CCL14: variants seen among roughly 807,000 people sequenced by gnomAD.
The protein encoded by CCL14 is C-C motif chemokine ligand 14.
A neutral mutation model predicts 8.2 loss-of-function variants in CCL14; 8 were observed. The ratio of observed to expected loss-of-function variants is 0.98; its 90% CI spans 0.57 to 1.76. The LOEUF is 1.76. Among genes scored for constraint, CCL14 ranks in the 40% most tolerant of loss-of-function variants. CCL14 has a pLI of 0.00. For missense variants in CCL14, 127 were observed against 118.3 expected (o/e 1.07, Z -0.34); for synonymous variants, 50 against 43.2 (o/e 1.16, Z -0.62).
chr17:35,985,472 G>T, intron 1 of CCL14: 5 of 466,162 alleles, frequency 1.1e-5, no homozygotes, highest in South Asian at 8.9e-5. Flanking sequence ...TTATGGAGTG[G>T]AGAAATCAGG....
chr17:35,986,710 G>T lies in CCL14; in HGVS notation c.-61C>A. 1.6e-6 allele frequency: 2 copies of T among 1,216,946 alleles called. No homozygotes were observed. Among genetic ancestry groups the T allele is most frequent in the Non-Finnish European group, 1.2e-6 (1 of 820,020 alleles). 75.4% of individuals were successfully genotyped at this position (1,216,946 alleles called of 1,614,324 possible). On this transcript the variant is annotated 5_prime_UTR_variant, in exon 1 of 3. Coordinates refer to ENST00000618404, the MANE Select transcript of CCL14 (RefSeq NM_032963.4). ...GGTGGGAGCTTCAGAGGCTCCTGCG[G>T]TGAGGAATTGTTGAGAAATGATCAT...
At chr17:35,986,167 G>T (rs2089764532) in intron 1 of CCL14, 1 of 365,980 alleles carries the variant, frequency 2.7e-6, no homozygotes, top group Non-Finnish European at 4.9e-6. Flanking sequence ...GGCAAGGGGG[G>T]ACTGGTCCTG....
At chr17:35,985,301 T>C (rs9903158) in intron 1 of CCL14, 10,325 of 168,892 alleles carry the variant, frequency 0.061, 351 homozygotes, top group Middle Eastern at 0.1. Flanking sequence ...GTTTTAAAAA[T>C]CACTGGATTG....
rs1303862146 is a variant in CCL14, at chr17:35,983,571, C to T, written c.*230G>A. 2.1e-5 allele frequency: 10 copies of T among 469,124 alleles called. No homozygotes were observed. Among genetic ancestry groups the T allele is most frequent in the Middle Eastern group, 5.5e-4 (1 of 1,804 alleles). 29.1% of individuals were successfully genotyped at this position (469,124 alleles called of 1,614,324 possible). ...AGGCTCCAGCAAAACTTCTGCAGAG[C>T]GAGGCTTGATGCCGAGGGTGCCACA... On this transcript the variant is annotated 3_prime_UTR_variant, in exon 3 of 3. Transcript: ENST00000618404.
chr17:35,983,737 A>AGG lies in CCL14; in HGVS notation c.*62_*63dup. ...GCTGAGAGTTAGCGGTGGGTGGAGG[A>AGG]GGGGGCCTTGGCATCTTCTCTTTAT... On this transcript the variant is annotated 3_prime_UTR_variant, in exon 3 of 3. Transcript: ENST00000618404. 1.8e-6 allele frequency: 2 copies of AGG among 1,136,960 alleles called. No homozygotes were observed. Among genetic ancestry groups the AGG allele is most frequent in the Non-Finnish European group, 2.7e-6 (2 of 745,250 alleles). The allele number at this position is 1,136,960 out of a possible 1,614,324, so 70.4% of individuals were successfully genotyped here. A position where few individuals can be genotyped will look rare whatever the true frequency, so the allele number is the denominator to read the frequency against.
At chr17:35,984,774 G>A in intron 1 of CCL14, 1 of 491,520 alleles carries the variant, frequency 2.0e-6, no homozygotes, top group Admixed American at 3.5e-5. Context: ...GGGCCGACTG[G>A]CAGAGAAGGC....
chr17:35,985,673 C>T, intron 1 of CCL14: 3 of 1,306,168 alleles, frequency 2.3e-6, no homozygotes, highest in Non-Finnish European at 3.2e-6. Flanking sequence ...CCAGTCAGAG[C>T]TCCTATACTC....
chr17:35,983,736 G>A lies in CCL14; in HGVS notation c.*65C>T. 1 of 1,128,292 alleles carries A rather than the reference G, an allele frequency of 8.9e-7. No individual in the cohort carries two copies. Among genetic ancestry groups the A allele is most frequent in the Non-Finnish European group, 1.4e-6 (1 of 737,218 alleles). The allele number at this position is 1,128,292 out of a possible 1,614,324, so 69.9% of individuals were successfully genotyped here. ...GGCTGAGAGTTAGCGGTGGGTGGAG[G>A]AGGGGGCCTTGGCATCTTCTCTTTA... On this transcript the variant is annotated 3_prime_UTR_variant, in exon 3 of 3. Transcript: ENST00000618404.
intron 1 of CCL14, chr17:35,985,622 C>T (rs546435514): frequency 6.6e-5 from 50 of 756,502 alleles, no homozygotes; most frequent in East Asian, 1.1e-4. Context: ...AGCATCCTCA[C>T]GATCCAAAGA....
rs780826457 is a variant in CCL14 at position 35,984,516 on chromosome 17, C to T, written c.80-64G>A. 1.2e-5 allele frequency: 12 copies of T among 1,029,908 alleles called. No individual in the cohort carries two copies. The Admixed American group carries it at 1.4e-4, about 12-fold the overall frequency. 63.8% of individuals were successfully genotyped at this position (1,029,908 alleles called of 1,614,324 possible). A position where few individuals can be genotyped will look rare whatever the true frequency, so the allele number is the denominator to read the frequency against. ...GTTAAAGGCCATACCATTGGCTGCT[C>T]CTGCAAGCTGAGGGCATGGAGGAGG... On this transcript the variant is annotated intron_variant, in intron 1 of 2. Transcript: ENST00000618404.
chr17:35,986,623 G>A lies in CCL14; in HGVS notation c.27C>T (p.Pro9=). 3 of 1,613,936 alleles carry A rather than the reference G, an allele frequency of 1.9e-6. No homozygotes were observed. The highest frequency in any genetic ancestry group is 2.5e-6 in the Non-Finnish European group (3 of 1,179,904). The change falls in exon 1 of 3, where the codon CCC becomes CCT. Residue 9 remains proline, a synonymous_variant. Coordinates refer to ENST00000618404, the MANE Select transcript of CCL14 (RefSeq NM_032963.4). MKISVAAI[P]FFLLITIALG... is the part of the protein sequence containing the mutation. Reference sequence around the variant, plus strand: ...GGGCGATGGTGATGAGGAGGAAGAAGGGAATGGCAGCCACGGAGATCTTCA... The same window carrying A: ...GGGCGATGGTGATGAGGAGGAAGAAAGGAATGGCAGCCACGGAGATCTTCA...
rs1387333467 is a variant in CCL14, at chr17:35,983,843, G to A, written c.240C>T (p.Asp80=). Residue 80 remains aspartate, a synonymous_variant, in exon 3 of 3, where the codon GAC becomes GAT. Transcript: ENST00000618404. The part of the protein sequence containing the change: ...RGHSVCTNPS[D]KWVQDYIKDM... ...CCTTGATATAGTCCTGGACCCACTT[G>A]TCACTGGGGTTGGTACAGACGGAAT... 2 of 1,614,006 alleles carry A rather than the reference G, an allele frequency of 1.2e-6. No homozygotes were observed. The highest frequency in any genetic ancestry group is 1.7e-6 in the Non-Finnish European group (2 of 1,179,906).
At chr17:35,986,310 T>C in intron 1 of CCL14, 1 of 486,174 alleles carries the variant, frequency 2.1e-6, no homozygotes, top group Non-Finnish European at 3.6e-6. Context: ...TGGTCAAGGC[T>C]GGAAGATCCC....
rs2089765741 is a variant in CCL14, at chr17:35,986,199, A to G, written c.79+372T>C. 3.4e-5 allele frequency: 12 copies of G among 354,312 alleles called. No individual in the cohort carries two copies. In the South Asian group the frequency reaches 5.8e-4, roughly 17 times the overall value. 21.9% of individuals were successfully genotyped at this position (354,312 alleles called of 1,614,324 possible). ...CCTGGGGGGCAATGATAAGAGATCA[A>G]GGCCATGTGAGGCCTGGAGATTCAG... On this transcript the variant is annotated intron_variant, in intron 1 of 2. Transcript: ENST00000618404.
At position 35,986,612 on chromosome 17, in the gene CCL14, A is replaced by G; in HGVS notation, c.38T>C (p.Leu13Pro). ...CTTGGTCCCTAGGGCGATGGTGATG[A>G]GGAGGAAGAAGGGAATGGCAGCCAC... ...ISVAAIPFFL[L>P]ITIALGTKTE... is the part of the protein sequence containing the mutation. Residue 13 changes from leucine to proline, a missense_variant, in exon 1 of 3, where the codon CTC becomes CCC. Transcript: ENST00000618404. 3.1e-6 allele frequency: 5 copies of G among 1,613,978 alleles called. No homozygotes were observed. Among genetic ancestry groups the G allele is most frequent in the Non-Finnish European group, 4.2e-6 (5 of 1,179,958 alleles).
chr17:35,986,104 GA>G, intron 1 of CCL14: 1 of 435,954 alleles, frequency 2.3e-6, no homozygotes, highest in Non-Finnish European at 4.0e-6. Context: ...GCGGCAAAGA[GA>G]GAGAAATTGA....
rs191159477 is a variant in CCL14, at chr17:35,986,554, C to A, written c.79+17G>T. ...TGCAGGCTCTAGGTTGGAAGGAAGA[C>A]AAGGCATTGCACTCACGTGAGGAGG... On this transcript the variant is annotated intron_variant, in intron 1 of 2. Coordinates refer to ENST00000618404, the MANE Select transcript of CCL14 (RefSeq NM_032963.4). 59 of 1,604,384 alleles carry A rather than the reference C, an allele frequency of 3.7e-5. No individual in the cohort carries two copies. In the African/African-American group the frequency reaches 6.4e-4, roughly 17 times the overall value.
intron 1 of CCL14, 98 bp downstream of exon 1, chr17:35,986,473 T>C: frequency 1.1e-6 from 1 of 880,824 alleles, no homozygotes; most frequent in Non-Finnish European, 1.9e-6. Flanking sequence ...CCCTCCTTTC[T>C]GAGTCCCTGC....
At chr17:35,986,428 A>C (rs2089770739) in intron 1 of CCL14, 143 bp downstream of exon 1, 1 of 652,188 alleles carries the variant, frequency 1.5e-6, no homozygotes. Flanking sequence ...CATTTATATA[A>C]TGTTGCTATA....
Sources: gnomAD v4.1 joint callset for allele counts on GRCh38, gnomAD v4.1.1 for gene constraint, MANE v1.5 for transcripts, NCBI Gene and HGNC (gene_info 2026-07-23, HGNC 2026-07-21) for gene names.